Variants in EPG5 observed in about 807,000 individuals in gnomAD.
The protein encoded by EPG5 is ectopic P granules protein 5 homolog.
A neutral mutation model predicts 302.7 loss-of-function variants in EPG5; 159 were observed. The ratio of observed to expected loss-of-function variants is 0.53; its 90% CI spans 0.46 to 0.60. The LOEUF is 0.60. EPG5 is among the 20% of genes least tolerant of loss of function. EPG5 has a pLI of 0.00. For synonymous variants in EPG5, 1,158 were observed against 1,136.8 expected, an observed-to-expected ratio of 1.02 and a Z score of -0.37; for missense variants, 2,896 against 3,092.4, an observed-to-expected ratio of 0.94 and a Z score of 1.51.
At chr18:45,880,661 C>T (rs565562776) in intron 31 of EPG5, among the ~76,000 whole-genome samples, 1 of 152,270 alleles carries the variant, frequency 6.6e-6, no homozygotes, top group South Asian at 2.1e-4. Context: ...TACCGGCCCC[C>T]CAATTCCCCG....
the EPG5 span, among the ~76,000 whole-genome samples, chr18:45,807,937 C>G: frequency 7.2e-5 from 11 of 152,088 alleles, no homozygotes; most frequent in East Asian, 2.1e-3. Flanking sequence ...ATTAAGGAGG[C>G]ACTAGAGAAA....
chr18:45,886,665 AT>A (rs201251797), intron 29 of EPG5, among the ~76,000 whole-genome samples: 2 of 150,340 alleles, frequency 1.3e-5, no homozygotes, highest in African/African-American at 2.4e-5. Flanking sequence ...GCATACATTA[AT>A]TTTTTTTTTG....
At chr18:45,832,022 A>G in the EPG5 span, among the ~76,000 whole-genome samples, 1 of 152,248 alleles carries the variant, frequency 6.6e-6, no homozygotes. Flanking sequence ...GTGAGCCGCC[A>G]CGCCCGGCCC....
At chr18:45,887,185 ATATC>A (rs1487112958) in intron 29 of EPG5, among the ~76,000 whole-genome samples, 4 of 152,192 alleles carry the variant, frequency 2.6e-5, no homozygotes, top group Non-Finnish European at 5.9e-5. Context: ...CCCTTATTAA[ATATC>A]TATCTATGTC....
At chr18:45,955,484 T>A in intron 1 of EPG5, 146 bp from the exon 2 acceptor site, 1 of 591,966 alleles carries the variant, frequency 1.7e-6, no homozygotes, top group South Asian at 2.4e-5. Flanking sequence ...TTTGAACAGA[T>A]ATGAACAAAT....
In EPG5 at chr18:45,915,649, A is replaced by G. The variant is rs749756996; in HGVS notation, c.3583-28T>C. 9.5e-6 allele frequency: 15 copies of G among 1,572,144 alleles called. No individual in the cohort carries two copies. The South Asian group carries it at 1.6e-4, about 16-fold the overall frequency. Reference sequence around the variant, plus strand: ...ACACCGGGAGATGTGGAGCAGAGAGAGGAGGTTTTAAGGAAAATCTTATCA... The same window carrying G: ...ACACCGGGAGATGTGGAGCAGAGAGGGGAGGTTTTAAGGAAAATCTTATCA... On this transcript the variant is annotated intron_variant, in intron 19 of 43. Coordinates refer to ENST00000282041, the MANE Select transcript of EPG5 (RefSeq NM_020964.3).
intron 30 of EPG5, among the ~76,000 whole-genome samples, chr18:45,883,031 A>AAG (rs1555667436): frequency 7.5e-5 from 11 of 147,498 alleles, no homozygotes; most frequent in South Asian, 2.1e-4. Flanking sequence ...AAAAAAAAAA[A>AAG]GTAGTTCACT....
chr18:45,910,556 G>C lies in EPG5; in HGVS notation c.4170C>G (p.Tyr1390Ter). ...LPESHSGTPG[Y>*]LTSPELHKEL... ...CCTTGTGCAGTTCTGGTGAAGTCAG[G>C]TAACCAGGGGTGCCAGAGTGGCTCT... Residue 1390 changes from tyrosine (Y) to a stop codon, truncating the protein, a stop_gained, in exon 23 of 44, where the codon TAC becomes TAG. Transcript: ENST00000282041. LOFTEE classifies it high-confidence loss of function. 6.2e-7 allele frequency: 1 copy of C among 1,612,836 alleles called. No homozygotes were observed. Among genetic ancestry groups the C allele is most frequent in the Non-Finnish European group, 8.5e-7 (1 of 1,179,580 alleles).
chr18:45,858,539 G>A (rs778856428), intron 41 of EPG5, 27 bp downstream of exon 41: 1 of 1,570,802 alleles, frequency 6.4e-7, no homozygotes, highest in Admixed American at 1.7e-5. Context: ...CAGCAAGTTT[G>A]ATGTAACAGC....
chr18:45,852,199 C>T lies in EPG5; in HGVS notation c.*268G>A. 1 of 303,004 alleles carries T rather than the reference C, an allele frequency of 3.3e-6. No homozygotes were observed. The allele number at this position is 303,004 out of a possible 1,614,324, so 18.8% of individuals were successfully genotyped here. A position where few individuals can be genotyped will look rare whatever the true frequency, so the allele number is the denominator to read the frequency against. On this transcript the variant is annotated 3_prime_UTR_variant, in exon 44 of 44. Transcript: ENST00000282041. ...TTCGGCAACTGTGAGTGGCTCTGCACCCAAGTGGAACTTAGTAAGTTTCTC... is the reference window on the plus strand; with the variant it reads ...TTCGGCAACTGTGAGTGGCTCTGCATCCAAGTGGAACTTAGTAAGTTTCTC...
intron 9 of EPG5, among the ~76,000 whole-genome samples, chr18:45,941,121 G>A (rs1052992593): frequency 2.0e-5 from 3 of 151,878 alleles, no homozygotes; most frequent in Admixed American, 6.6e-5. Context: ...TCCAGGGACT[G>A]AGCCCTGAGA....
the EPG5 span, among the ~76,000 whole-genome samples, chr18:45,823,884 C>T: frequency 6.6e-6 from 1 of 152,240 alleles, no homozygotes; most frequent in African/African-American, 2.4e-5. Context: ...CTATGGGATG[C>T]CAAGTGGCGC....
rs1443194422 is a variant in EPG5, at chr18:45,946,733, C to T, written c.1607G>A (p.Ser536Asn). The T allele has an allele frequency of 6.2e-6, 10 of 1,614,110 alleles. No homozygotes were observed. Among genetic ancestry groups the T allele is most frequent in the Non-Finnish European group, 8.5e-6 (10 of 1,180,050 alleles). The change falls in exon 7 of 44, where the codon AGC (serine) becomes AAC (asparagine). Residue 536 changes from serine to asparagine, a missense_variant. Physicochemically the swap from Ser to Asn is conservative, Grantham distance 46. Transcript: ENST00000282041. ...RAEFMCHMKP[S>N]ERKPSSSGPG... is the part of the protein sequence containing the mutation. ...CCCTGAGGAGGATGGCTTCCGCTCGCTGGGCTTCATGTGGCACATAAACTC... is the reference window on the plus strand; with the variant it reads ...CCCTGAGGAGGATGGCTTCCGCTCGTTGGGCTTCATGTGGCACATAAACTC...
In EPG5 at chr18:45,951,111, C is replaced by T; in HGVS notation, c.1380G>A (p.Leu460=). The change falls in exon 4 of 44, where the codon CTG becomes CTA. Residue 460 remains leucine, a synonymous_variant. Coordinates refer to ENST00000282041, the MANE Select transcript of EPG5 (RefSeq NM_020964.3). ...TQFHDDILLW[L]QKLVSVLQRV... is the part of the protein sequence containing the mutation. ...ATCTCTGTCCCCTTACCAATTTCTG[C>T]AGCCAGAGAAGAATATCATCATGAA... The T allele has an allele frequency of 6.4e-7, 1 of 1,570,784 alleles. No homozygotes were observed. Among genetic ancestry groups the T allele is most frequent in the South Asian group, 1.2e-5 (1 of 80,286 alleles).
chr18:45,870,544 G>A (rs747994809), intron 36 of EPG5, 23 bp downstream of exon 36: 49 of 1,607,004 alleles, frequency 3.0e-5, no homozygotes, highest in Non-Finnish European at 3.7e-5. Context: ...TCTAGGCTGC[G>A]ATGCCGGGAA....
At chr18:45,932,890 T>G (rs2050426656) in intron 11 of EPG5, among the ~76,000 whole-genome samples, 1 of 152,160 alleles carries the variant, frequency 6.6e-6, no homozygotes, top group South Asian at 2.1e-4. Context: ...AAGGCAAGGC[T>G]GGTACTGCCA....
chr18:45,849,781 A>G lies in EPG5; in HGVS notation c.*2686T>C, dbSNP rs1027343090. ...CAAAGGATGGTGAGACTGAGAAATG[A>G]GTCACGCCTTGGAGCTGAGGTCCCG... On this transcript the variant is annotated 3_prime_UTR_variant, in exon 44 of 44. Coordinates refer to ENST00000282041, the MANE Select transcript of EPG5 (RefSeq NM_020964.3). 4 of 152,318 alleles carry G rather than the reference A, an allele frequency of 2.6e-5. No individual in the cohort carries two copies. Among genetic ancestry groups the G allele is most frequent in the African/African-American group, 9.6e-5 (4 of 41,464 alleles). The allele number at this position is 152,318 out of a possible 1,614,324, so 9.4% of individuals were successfully genotyped here.
At chr18:45,879,300 G>C (rs1188129623) in intron 32 of EPG5, 86 bp from the exon 33 acceptor site, 1 of 904,520 alleles carries the variant, frequency 1.1e-6, no homozygotes, top group African/African-American at 1.7e-5. Flanking sequence ...GGTGTATATA[G>C]TAGGTCTTTG....
chr18:45,901,214 C>T (rs1568135661), intron 25 of EPG5, 47 bp from the exon 26 acceptor site: 4 of 1,520,658 alleles, frequency 2.6e-6, no homozygotes, highest in Non-Finnish European at 2.7e-6. Context: ...GGTGAATTAG[C>T]AGGAGAACAG....
Sources: allele counts gnomAD v4.1 joint callset (sites outside exome capture counted in the v4.1 genomes callset), GRCh38; gene constraint gnomAD v4.1.1; transcripts MANE v1.5; gene names NCBI Gene and HGNC (gene_info 2026-07-23, HGNC 2026-07-21).